RBM4: variants seen among roughly 807,000 people sequenced by gnomAD.
RBM4 encodes RNA-binding protein 4.
RBM4 carries 7 observed loss-of-function variants against 29.5 expected under a neutral mutation model. The ratio of observed to expected loss-of-function variants is 0.24; its 90% confidence interval spans 0.14 to 0.45. The LOEUF is 0.45. Ranked by LOEUF, RBM4 falls within the 20% of genes least tolerant of loss-of-function variation. The pLI is 1.00. For missense variants in RBM4, 387 were observed against 502.3 expected, an observed-to-expected ratio of 0.77 and a Z score of 2.19; for synonymous variants, 220 against 205.4, an observed-to-expected ratio of 1.07 and a Z score of -0.61.
At chr11:66,653,611 C>T (rs1237427829) in intron 2 of RBM4, among the ~76,000 whole-genome samples, 2 of 152,162 alleles carry the variant, frequency 1.3e-5, no homozygotes, top group Non-Finnish European at 2.9e-5. Flanking sequence ...ATCCACCTGC[C>T]TTGGCCTCCC....
intron 2 of RBM4, chr11:66,665,605 T>C: frequency 6.5e-7 from 1 of 1,535,860 alleles, no homozygotes; most frequent in Admixed American, 2.0e-5. Flanking sequence ...CACAAGAGGC[T>C]TACACAATGC....
At chr11:66,664,868 A>C (rs1021744747) in intron 2 of RBM4, 1 of 152,252 alleles carries the variant, frequency 6.6e-6, no homozygotes, top group Non-Finnish European at 1.5e-5. Context: ...CAAAGTGCTA[A>C]GATTACAGGT....
At chr11:66,658,964 A>T (rs1015367224) in intron 2 of RBM4, among the ~76,000 whole-genome samples, 10 of 150,886 alleles carry the variant, frequency 6.6e-5, no homozygotes, top group African/African-American at 2.2e-4. Context: ...ATATATATAT[A>T]TTCAGTTTTT....
exon 3 of RBM4, chr11:66,666,301 G>A (rs1044413182): frequency 6.6e-6 from 7 of 1,067,642 alleles, no homozygotes; most frequent in South Asian, 3.1e-5. Flanking sequence ...TACAGACAAA[G>A]GGCCAAATCT....
rs996127517 is a variant in RBM4, at chr11:66,640,512, G to A, written c.412+389G>A. The A allele has an allele frequency of 1.5e-5, 6 of 393,016 alleles. No individual in the cohort carries two copies. In the East Asian group the frequency reaches 2.3e-4, roughly 15 times the overall value. The allele number at this position is 393,016 out of a possible 1,614,324, so 24.3% of individuals were successfully genotyped here. A position where few individuals can be genotyped will look rare whatever the true frequency, so the allele number is the denominator to read the frequency against. On this transcript the variant is annotated intron_variant, in intron 2 of 3. Transcript: ENST00000310092. ...ACAGGATCAGAATTCTGCATTTTAC[G>A]TGAAGAACCTCTCAAAAACATGTCA...
rs188304287 is a variant in RBM4, at chr11:66,645,458, A to T, written c.*9-569A>T. 3.9e-3 allele frequency among the ~76,000 whole-genome samples: 589 copies of T among 152,290 alleles called. 1 individual carries two copies. The highest frequency in any genetic ancestry group is 6.3e-3 in the Non-Finnish European group (428 of 68,034). ...GCAGTCACTGATTGGGCTGGAAAAG[A>T]GACTTGATGTGTAGCTTATACATGC... On this transcript the variant is annotated intron_variant, in intron 3 of 3. Coordinates refer to ENST00000310092, the MANE Select transcript of RBM4 (RefSeq NM_002896.4).
At chr11:66,659,948 A>G (rs912588297) in intron 2 of RBM4, among the ~76,000 whole-genome samples, 11 of 152,082 alleles carry the variant, frequency 7.2e-5, no homozygotes, top group Non-Finnish European at 1.6e-4. Flanking sequence ...GTTACTTAGA[A>G]CCTTTCAGCA....
At position 66,644,106 on chromosome 11, in the gene RBM4, G is replaced by C. The variant is rs376978956; in HGVS notation, c.1069G>C (p.Asp357His). The C allele has an allele frequency of 1.9e-6, 3 of 1,613,794 alleles. No homozygotes were observed. Among genetic ancestry groups the C allele is most frequent in the African/African-American group, 2.7e-5 (2 of 74,896 alleles). Residue 357 changes from aspartate (D) to histidine (H), a missense_variant, in exon 3 of 4, where the codon GAT becomes CAT. This residue lies in a region of RBM4 where 281 missense variants were observed against 288.7 expected (regional missense o/e 0.97). Coordinates refer to ENST00000310092, the MANE Select transcript of RBM4 (RefSeq NM_002896.4). ...MARYEREQYA[D>H]RARYSAF ...CCGGTATGAGCGGGAGCAGTATGCC[G>C]ATCGGGCGCGGTACTCAGCCTTTTA...
At position 66,658,686 on chromosome 11, in the gene RBM4, C is replaced by T. The variant is rs569710262; in HGVS notation, c.413-7170C>T. Among the ~76,000 whole-genome samples, 95 of 152,104 alleles carry T rather than the reference C, an allele frequency of 6.2e-4. 1 individual carries two copies. The highest frequency in any genetic ancestry group is 1.5e-4 in the Non-Finnish European group (10 of 68,000). Reference sequence around the variant, plus strand: ...GCGCAGTGGCTCACGCCTGTAATCCCAGCACTTTGGGAGGCCAAGGTGGGC... The same window carrying T: ...GCGCAGTGGCTCACGCCTGTAATCCTAGCACTTTGGGAGGCCAAGGTGGGC... On this transcript the variant is annotated intron_variant, in intron 2 of 2. Coordinates refer to the RBM4 transcript ENST00000396053.
chr11:66,640,179 T>C, intron 2 of RBM4, 56 bp downstream of exon 2: 1 of 1,605,856 alleles, frequency 6.2e-7, no homozygotes, highest in Non-Finnish European at 8.5e-7. Flanking sequence ...CAGAAAATGG[T>C]TGGATAAGTA....
chr11:66,649,832 C>G, downstream of RBM4: 1 of 689,820 alleles, frequency 1.4e-6, no homozygotes, highest in Middle Eastern at 2.3e-4. Context: ...CCGCCTTGGC[C>G]TCCCAGAGTT....
intron 2 of RBM4, among the ~76,000 whole-genome samples, chr11:66,663,395 C>T (rs1271058300): frequency 3.9e-5 from 6 of 152,146 alleles, no homozygotes; most frequent in African/African-American, 9.7e-5. Flanking sequence ...GATGGAGTCT[C>T]GCTCTGTCAC....
At chr11:66,663,353 T>C (rs1939121085) in intron 2 of RBM4, among the ~76,000 whole-genome samples, 1 of 152,160 alleles carries the variant, frequency 6.6e-6, no homozygotes. Context: ...TTTTAATAGC[T>C]CATAAGTGAA....
chr11:66,657,105 AGTC>A (rs1475204182), intron 2 of RBM4, among the ~76,000 whole-genome samples: 1 of 104,312 alleles, frequency 9.6e-6, no homozygotes, highest in Non-Finnish European at 2.0e-5. Flanking sequence ...TCAATTTTTT[AGTC>A]TTTTTTTTTT....
chr11:66,644,854 T>C (rs949726234), intron 3 of RBM4: 16 of 246,192 alleles, frequency 6.5e-5, no homozygotes, highest in Non-Finnish European at 9.1e-5. Flanking sequence ...ATTTATTCCC[T>C]GAATAGAGTG....
chr11:66,640,735 ACTGT>A (rs938655542), intron 2 of RBM4: 3 of 152,954 alleles, frequency 2.0e-5, no homozygotes, highest in African/African-American at 7.2e-5. Flanking sequence ...GGCGGTAATG[ACTGT>A]CTTTTCATTG....
intron 2 of RBM4, among the ~76,000 whole-genome samples, chr11:66,653,489 G>A (rs1938876847): frequency 6.6e-6 from 1 of 151,570 alleles, no homozygotes; most frequent in Non-Finnish European, 1.5e-5. Context: ...AGCCTTCCGA[G>A]TAGCTGGGAC....
chr11:66,651,425 G>A (rs1431544824), downstream of RBM4, among the ~76,000 whole-genome samples: 2 of 151,002 alleles, frequency 1.3e-5, no homozygotes, highest in Non-Finnish European at 2.9e-5. Flanking sequence ...TCGGCTCACT[G>A]CATGCTCCAC....
At chr11:66,640,156 A>G (rs2135053484) in intron 2 of RBM4, 33 bp downstream of exon 2, 10 of 1,612,562 alleles carry the variant, frequency 6.2e-6, no homozygotes, top group Non-Finnish European at 8.5e-6. Flanking sequence ...AGGGCTGAAC[A>G]CAAGGCTGTG....
Sources: gnomAD v4.1 joint callset for allele counts (sites outside exome capture counted in the v4.1 genomes callset) on GRCh38, gnomAD v4.1.1 for gene constraint, gnomAD v4.1.1 regional missense constraint, MANE v1.5 for transcripts, NCBI Gene and HGNC (gene_info 2026-07-23, HGNC 2026-07-21) for gene names.